STPG2: variants seen among roughly 807,000 people sequenced by gnomAD.
STPG2 encodes sperm-tail PG-rich repeat-containing protein 2.
Under a neutral mutation model 54.2 loss-of-function variants are expected in STPG2, and 56 were observed. The observed-to-expected ratio is 1.03, with a 90% CI of 0.83 to 1.29. The LOEUF (loss-of-function observed/expected upper bound fraction) is 1.29. Among genes scored for constraint, STPG2 ranks in the 50% most tolerant of loss-of-function variants. The pLI, the probability that STPG2 is intolerant of heterozygous loss-of-function variation, is 0.00. For missense variants in STPG2, 596 were observed against 544.9 expected, an observed-to-expected ratio of 1.09 and a Z score of -0.93; for synonymous variants, 200 against 181.8, an observed-to-expected ratio of 1.10 and a Z score of -0.81.
At chr4:98,085,512 A>G (rs977292247) in intron 5 of STPG2, among the ~76,000 whole-genome samples, 1 of 152,098 alleles carries the variant, frequency 6.6e-6, no homozygotes, top group African/African-American at 2.4e-5. Flanking sequence ...GCATCTTTCA[A>G]TCCATAAACA....
chr4:97,688,183 T>C (rs1723256823), intron 10 of STPG2, among the ~76,000 whole-genome samples: 1 of 152,174 alleles, frequency 6.6e-6, no homozygotes, highest in East Asian at 1.9e-4. Context: ...GTACTACTTC[T>C]ACCAAGTTAT....
chr4:97,779,151 T>A (rs1258146345), intron 9 of STPG2, among the ~76,000 whole-genome samples: 2 of 152,056 alleles, frequency 1.3e-5, no homozygotes, highest in Admixed American at 1.3e-4. Flanking sequence ...AGGAAGAAAG[T>A]CGAACCCAAC....
rs190999773 is a variant in STPG2, at chr4:97,497,859, A to G, written c.462+214840T>C. ...ACATACACATTCTTCTGATGCCTAC[A>G]TTTCTCATTATCCCTAGGTTTTCTA... On this transcript the variant is annotated intron_variant, in intron 4 of 4. Transcript: ENST00000522676. Among the ~76,000 whole-genome samples the G allele has an allele frequency of 1.9e-3, 296 of 151,878 alleles. 1 individual carries two copies. The highest frequency in any genetic ancestry group is 6.6e-3 in the African/African-American group (273 of 41,482).
At chr4:97,467,163 T>C (rs1197298011) in intron 4 of STPG2, among the ~76,000 whole-genome samples, 4 of 151,950 alleles carry the variant, frequency 2.6e-5, no homozygotes, top group Admixed American at 2.0e-4. Context: ...TAACCAGACA[T>C]TACTTTGACT....
intron 4 of STPG2, among the ~76,000 whole-genome samples, chr4:97,485,850 G>A (rs999847273): frequency 1.3e-5 from 2 of 151,860 alleles, no homozygotes; most frequent in Admixed American, 1.3e-4. Context: ...TGGGCACATA[G>A]ACCAATGGAA....
chr4:98,040,223 C>T (rs181462497), intron 5 of STPG2, among the ~76,000 whole-genome samples: 88 of 151,830 alleles, frequency 5.8e-4, no homozygotes, highest in Non-Finnish European at 1.2e-3. Flanking sequence ...GATATTAGTC[C>T]CTTGTCAGAT....
chr4:98,082,421 T>G (rs561524031), intron 5 of STPG2, among the ~76,000 whole-genome samples: 6 of 140,098 alleles, frequency 4.3e-5, no homozygotes, highest in Admixed American at 2.9e-4. Flanking sequence ...ATCTTTCCCA[T>G]GTGCAGGTCC....
chr4:97,518,077 AGCTTTTAAGACT>A (rs951170312), intron 4 of STPG2, among the ~76,000 whole-genome samples: 4 of 152,100 alleles, frequency 2.6e-5, no homozygotes, highest in Non-Finnish European at 4.4e-5. Flanking sequence ...TGCCATTAGT[AGCTTTTAAGACT>A]GCCTAGAGCT....
At chr4:97,997,905 C>A (rs1412730545) in intron 5 of STPG2, among the ~76,000 whole-genome samples, 1 of 152,072 alleles carries the variant, frequency 6.6e-6, no homozygotes, top group Admixed American at 6.6e-5. Flanking sequence ...CAAACCTGCC[C>A]AGGTACCCCG....
chr4:97,930,993 T>G (rs1319994642), intron 8 of STPG2, among the ~76,000 whole-genome samples: 1 of 152,156 alleles, frequency 6.6e-6, no homozygotes, highest in African/African-American at 2.4e-5. Flanking sequence ...TTGACTACTG[T>G]TGGTGTATGA....
chr4:97,750,569 T>C (rs1293262637), intron 9 of STPG2, among the ~76,000 whole-genome samples: 2 of 151,446 alleles, frequency 1.3e-5, no homozygotes, highest in African/African-American at 4.8e-5. Flanking sequence ...GGAGGAGAGA[T>C]TTCCAAGAAG....
Position 98,062,935 on chromosome 4 carries a change from A to G in STPG2, c.612+43018T>C, listed in dbSNP as rs190254287. On this transcript the variant is annotated intron_variant, in intron 5 of 10. Transcript: ENST00000295268. ...TTAATTTTATAAAAATTTGTTGTAA[A>G]GACTAGGTCTTACCATGTTGCCCAG... is the stretch of plus-strand genomic sequence containing the variant. Among the ~76,000 whole-genome samples the G allele has an allele frequency of 4.2e-3, 638 of 152,090 alleles. 3 individuals carry two copies. The highest frequency in any genetic ancestry group is 0.024 in the South Asian group (118 of 4,818).
chr4:97,926,350 T>A (rs1199785065), intron 8 of STPG2, among the ~76,000 whole-genome samples: 1 of 152,148 alleles, frequency 6.6e-6, no homozygotes, highest in Non-Finnish European at 1.5e-5. Flanking sequence ...TCCCTTGTTT[T>A]TCTACTCTTT....
chr4:97,486,859 A>AC (rs1447481018), intron 4 of STPG2, among the ~76,000 whole-genome samples: 7 of 123,056 alleles, frequency 5.7e-5, no homozygotes, highest in African/African-American at 2.4e-4. Flanking sequence ...GTATGTATAC[A>AC]AACACACACA....
At chr4:97,696,283 C>A (rs1407110529) in intron 10 of STPG2, among the ~76,000 whole-genome samples, 2 of 152,030 alleles carry the variant, frequency 1.3e-5, no homozygotes, top group African/African-American at 2.4e-5. Flanking sequence ...GGAGAGGTCA[C>A]CCTATTCAAC....
chr4:97,544,218 C>T (rs1731783459), intron 4 of STPG2, among the ~76,000 whole-genome samples: 1 of 152,036 alleles, frequency 6.6e-6, no homozygotes. Context: ...AATGCATGAT[C>T]TCAAAGTTAA....
At chr4:97,471,145 C>G (rs1395380930) in intron 4 of STPG2, among the ~76,000 whole-genome samples, 1 of 152,078 alleles carries the variant, frequency 6.6e-6, no homozygotes, top group East Asian at 1.9e-4. Flanking sequence ...CAATTTAAAA[C>G]TTACTAATTA....
intron 4 of STPG2, among the ~76,000 whole-genome samples, chr4:97,467,682 A>T (rs1729821387): frequency 6.6e-6 from 1 of 151,954 alleles, no homozygotes; most frequent in South Asian, 2.1e-4. Flanking sequence ...ATAGGCTAAA[A>T]ATTTAGATTG....
chr4:97,782,049 C>T (rs774738965), intron 9 of STPG2, among the ~76,000 whole-genome samples: 3 of 152,166 alleles, frequency 2.0e-5, no homozygotes, highest in Non-Finnish European at 4.4e-5. Flanking sequence ...TCTCACCACT[C>T]CTATTCAGCA....
Sources: gnomAD v4.1 joint callset for allele counts (sites outside exome capture counted in the v4.1 genomes callset) on GRCh38, gnomAD v4.1.1 for gene constraint, MANE v1.5 for transcripts, NCBI Gene and HGNC (gene_info 2026-07-23, HGNC 2026-07-21) for gene names.